The following PRKG1 variants were observed in gnomAD, a reference collection of about 807,000 sequenced individuals.
PRKG1 encodes cGMP-dependent protein kinase 1.
Under a neutral mutation model 88.1 loss-of-function variants are expected in PRKG1, and 35 were observed. The ratio of observed to expected loss-of-function variants is 0.40; its 90% CI spans 0.30 to 0.53. The LOEUF (loss-of-function observed/expected upper bound fraction) is 0.53. PRKG1 is among the 20% of genes least tolerant of loss of function. The pLI, the probability that PRKG1 is intolerant of heterozygous loss-of-function variation, is 0.59. For missense variants in PRKG1, 540 were observed against 839.8 expected (o/e 0.64, Z 4.41); for synonymous variants, 303 against 292.5 (o/e 1.04, Z -0.37).
intron 7 of PRKG1, among the ~76,000 whole-genome samples, chr10:52,098,109 C>T (rs1198753474): frequency 6.6e-6 from 1 of 152,072 alleles, no homozygotes; most frequent in Non-Finnish European, 1.5e-5. Flanking sequence ...GAAAATGTTA[C>T]AGTAGGTTAA....
At chr10:51,196,942 T>C (rs1837783740) in intron 2 of PRKG1, among the ~76,000 whole-genome samples, 1 of 152,150 alleles carries the variant, frequency 6.6e-6, no homozygotes, top group Non-Finnish European at 1.5e-5. Context: ...AGAGATATAT[T>C]TCCCTTCTCT....
At chr10:51,267,177 CA>C (rs571455122) in intron 2 of PRKG1, among the ~76,000 whole-genome samples, 57 of 152,040 alleles carry the variant, frequency 3.7e-4, no homozygotes, top group African/African-American at 1.3e-3. Flanking sequence ...TGTGTATTTC[CA>C]AAAACAACAT....
chr10:51,655,847 AT>A (rs768167410), intron 3 of PRKG1, among the ~76,000 whole-genome samples: 24 of 152,240 alleles, frequency 1.6e-4, no homozygotes, highest in Admixed American at 3.9e-4. Flanking sequence ...TGAAAATCAA[AT>A]TCCTATCACG....
chr10:51,947,847 A>G (rs1203538711), intron 5 of PRKG1, among the ~76,000 whole-genome samples: 1 of 152,120 alleles, frequency 6.6e-6, no homozygotes, highest in Admixed American at 6.5e-5. Flanking sequence ...CATCCAGTGA[A>G]TATGAGGAAA....
intron 9 of PRKG1, chr10:52,231,464 T>C (rs2132352308): frequency 6.6e-6 from 1 of 152,200 alleles, no homozygotes; most frequent in East Asian, 1.9e-4. Context: ...TATTTATCAA[T>C]ATGTTTAAAA....
chr10:51,786,278 G>A (rs1290893700), intron 3 of PRKG1, among the ~76,000 whole-genome samples: 4 of 152,074 alleles, frequency 2.6e-5, no homozygotes, highest in South Asian at 2.1e-4. Flanking sequence ...TCGGCTGAGT[G>A]GTGAGACGCC....
intron 3 of PRKG1, among the ~76,000 whole-genome samples, chr10:51,683,959 T>G (rs1161613584): frequency 6.6e-6 from 1 of 152,232 alleles, no homozygotes; most frequent in Non-Finnish European, 1.5e-5. Flanking sequence ...TTGGTCGTTT[T>G]GGAAAACAGT....
chr10:51,353,887 T>TAAGC (rs1279824447), intron 2 of PRKG1, among the ~76,000 whole-genome samples: 12 of 14,198 alleles, frequency 8.5e-4, no homozygotes, highest in African/African-American at 3.0e-3. Flanking sequence ...CCAAGATTTG[T>TAAGC]GTTCATCAAC....
chr10:51,079,697 G>GTGTA (rs781030828), intron 1 of PRKG1, among the ~76,000 whole-genome samples: 3 of 152,020 alleles, frequency 2.0e-5, no homozygotes, highest in Non-Finnish European at 4.4e-5. Flanking sequence ...GTGTGTGTGT[G>GTGTA]TGTGTGTTTT....
At chr10:52,281,670 A>G (rs1044196679) in intron 13 of PRKG1, among the ~76,000 whole-genome samples, 1 of 152,160 alleles carries the variant, frequency 6.6e-6, no homozygotes, top group Non-Finnish European at 1.5e-5. Context: ...GGGCAGAGTC[A>G]TTGGTCCCAA....
At chr10:52,078,821 T>C (rs1846696973) in intron 7 of PRKG1, among the ~76,000 whole-genome samples, 1 of 152,238 alleles carries the variant, frequency 6.6e-6, no homozygotes, top group Non-Finnish European at 1.5e-5. Flanking sequence ...ATAATTTTAT[T>C]TAAAGTAGCA....
At chr10:51,872,261 GTA>G (rs1373585228) in intron 4 of PRKG1, among the ~76,000 whole-genome samples, 1 of 152,068 alleles carries the variant, frequency 6.6e-6, no homozygotes, top group African/African-American at 2.4e-5. Flanking sequence ...GCAACTTACT[GTA>G]TTTTTTTGCC....
At chr10:51,476,867 T>C (rs1413962246) in intron 3 of PRKG1, among the ~76,000 whole-genome samples, 1 of 152,000 alleles carries the variant, frequency 6.6e-6, no homozygotes, top group Non-Finnish European at 1.5e-5. Flanking sequence ...TTACTCTGAG[T>C]ACCTAAGTAA....
chr10:51,594,283 C>A (rs58337014), intron 3 of PRKG1, among the ~76,000 whole-genome samples: 21,958 of 152,132 alleles, frequency 0.14, 1,706 homozygotes, highest in African/African-American at 0.2. Context: ...CCACCTCGGC[C>A]TCTAAAAGCA....
In PRKG1 at chr10:52,296,016, A is replaced by AT. The variant is rs1016443741; in HGVS notation, c.*2119dup. 6.6e-6 allele frequency: 1 copy of AT among 152,044 alleles called. No homozygotes were observed. Among genetic ancestry groups the AT allele is most frequent in the Non-Finnish European group, 1.5e-5 (1 of 67,934 alleles). The allele number at this position is 152,044 out of a possible 1,614,324, so 9.4% of individuals were successfully genotyped here. A position where few individuals can be genotyped will look rare whatever the true frequency, so the allele number is the denominator to read the frequency against. On this transcript the variant is annotated 3_prime_UTR_variant, in exon 18 of 18. Coordinates refer to ENST00000373980, the MANE Select transcript of PRKG1 (RefSeq NM_006258.4). The stretch of plus-strand genomic sequence containing the variant: ...AACCTAAAATCTAGCTATGAATGTT[A>AT]TTTCAAGAGTTTTATATTTTTAATT...
intron 2 of PRKG1, among the ~76,000 whole-genome samples, chr10:51,301,637 A>T (rs908738246): frequency 1.3e-5 from 2 of 152,226 alleles, no homozygotes; most frequent in African/African-American, 4.8e-5. Context: ...GTCAGGGTGC[A>T]GTCAGGAGAG....
chr10:52,191,863 AT>A (rs902718812), intron 9 of PRKG1, among the ~76,000 whole-genome samples: 12 of 151,748 alleles, frequency 7.9e-5, no homozygotes, highest in South Asian at 4.2e-4. Flanking sequence ...TATCCAATTT[AT>A]TTTTTTCTTT....
chr10:51,461,507 G>T (rs2132798640), intron 2 of PRKG1, among the ~76,000 whole-genome samples: 1 of 152,188 alleles, frequency 6.6e-6, no homozygotes, highest in Non-Finnish European at 1.5e-5. Context: ...CTAAAATAGG[G>T]CCGTTTCTCA....
At chr10:51,847,381 A>G (rs1840426622) in intron 4 of PRKG1, among the ~76,000 whole-genome samples, 1 of 152,154 alleles carries the variant, frequency 6.6e-6, no homozygotes, top group Non-Finnish European at 1.5e-5. Context: ...TAAGGGAGTG[A>G]TTGGCAGGGA....
Sources: gnomAD v4.1 joint callset for allele counts (sites outside exome capture counted in the v4.1 genomes callset) on GRCh38, gnomAD v4.1.1 for gene constraint, MANE v1.5 for transcripts, NCBI Gene and HGNC (gene_info 2026-07-23, HGNC 2026-07-21) for gene names.